Variants in R3HDM1 observed in about 807,000 individuals in gnomAD.
The protein encoded by R3HDM1 is R3H domain-containing protein 1.
Under a neutral mutation model 141.1 loss-of-function variants are expected in R3HDM1, and 46 were observed. That is an observed-to-expected ratio of 0.33 (90% confidence interval 0.26 to 0.42). The LOEUF (loss-of-function observed/expected upper bound fraction) is 0.42. R3HDM1 is among the 10% of genes least tolerant of loss of function. The probability of loss-of-function intolerance (pLI) is 1.00; values close to 1 mark genes in which losing one functional copy is unlikely to be tolerated. For synonymous variants in R3HDM1, 435 were observed against 472.9 expected (o/e 0.92, Z 1.04); for missense variants, 1,184 against 1,368.3 (o/e 0.87, Z 2.12).
chr2:135,623,681 G>T (rs76520533), intron 7 of R3HDM1, among the ~76,000 whole-genome samples: 4,870 of 152,172 alleles, frequency 0.032, 246 homozygotes, highest in African/African-American at 0.11. Context: ...TTCCTCAGTA[G>T]TCCCAACAGA....
chr2:135,625,406 T>C (rs1372418374), intron 7 of R3HDM1, among the ~76,000 whole-genome samples: 1 of 151,814 alleles, frequency 6.6e-6, no homozygotes, highest in Non-Finnish European at 1.5e-5. Context: ...GATCACGCCA[T>C]TGCACTCCAG....
intron 14 of R3HDM1, among the ~76,000 whole-genome samples, chr2:135,639,578 G>A (rs1042828074): frequency 1.3e-5 from 2 of 151,950 alleles, no homozygotes; most frequent in African/African-American, 4.8e-5. Flanking sequence ...TTAAATTGCT[G>A]AGGAGATTTT....
At chr2:135,534,576 GTTATA>G (rs1355997409) in intron 1 of R3HDM1, among the ~76,000 whole-genome samples, 1 of 152,238 alleles carries the variant, frequency 6.6e-6, no homozygotes, top group Non-Finnish European at 1.5e-5. Context: ...CATGAAGACA[GTTATA>G]TTATGAAGTC....
chr2:135,663,150 AAAAAAT>A (rs199561274), intron 19 of R3HDM1, among the ~76,000 whole-genome samples: 9,482 of 150,764 alleles, frequency 0.063, 584 homozygotes, highest in African/African-American at 0.16. Flanking sequence ...AAAAAAAAAA[AAAAAAT>A]ATGACACTTA....
intron 2 of R3HDM1, among the ~76,000 whole-genome samples, chr2:135,603,379 T>A (rs960550685): frequency 3.9e-5 from 6 of 151,916 alleles, no homozygotes; most frequent in African/African-American, 1.5e-4. Context: ...TTTCACTGGT[T>A]TCCCCCCCGC....
intron 2 of R3HDM1, among the ~76,000 whole-genome samples, chr2:135,603,979 T>TAATCCAGTGCA (rs1271259958): frequency 6.6e-6 from 1 of 152,190 alleles, no homozygotes; most frequent in Non-Finnish European, 1.5e-5. Flanking sequence ...TCTGATACAT[T>TAATCCAGTGCA]AATCCAGTGC....
At position 135,616,134 on chromosome 2, in the gene R3HDM1, T is replaced by C; in HGVS notation, c.172-18T>C. ...GTTTCAGTATGAAATTTAATACAAA[T>C]CTTTCTTGTATATTCAGCGGCCATT... On this transcript the variant is annotated intron_variant, in intron 3 of 26. Coordinates refer to ENST00000683871, the MANE Select transcript of R3HDM1 (RefSeq NM_001378107.1). 1 of 1,607,804 alleles carries C rather than the reference T, an allele frequency of 6.2e-7. No individual in the cohort carries two copies. Among genetic ancestry groups the C allele is most frequent in the Non-Finnish European group, 8.5e-7 (1 of 1,174,366 alleles).
At chr2:135,618,255 C>T (rs2061225128) in intron 5 of R3HDM1, among the ~76,000 whole-genome samples, 1 of 151,498 alleles carries the variant, frequency 6.6e-6, no homozygotes, top group Non-Finnish European at 1.5e-5. Context: ...CCTCCGCCTC[C>T]CAGGTTCAAG....
chr2:135,685,980 C>T lies in R3HDM1; in HGVS notation c.2459+5656C>T, dbSNP rs189237575. ...TGATATCCAAAATATTAAGGAAATC[C>T]TGTAATTCAGAAAAAAAAAGGGTTA... On this transcript the variant is annotated intron_variant, in intron 21 of 26. Coordinates refer to ENST00000683871, the MANE Select transcript of R3HDM1 (RefSeq NM_001378107.1). 5.7e-3 allele frequency among the ~76,000 whole-genome samples: 859 copies of T among 151,816 alleles called. 7 individuals are homozygous for T. The highest frequency in any genetic ancestry group is 0.019 in the African/African-American group (799 of 41,388).
intron 19 of R3HDM1, among the ~76,000 whole-genome samples, chr2:135,668,659 A>G (rs1047991561): frequency 6.6e-6 from 1 of 152,214 alleles, no homozygotes; most frequent in African/African-American, 2.4e-5. Flanking sequence ...AGTGGATGGA[A>G]AAAAGTCATT....
chr2:135,670,138 CAAAA>C (rs869047478), intron 19 of R3HDM1: 45 of 97,538 alleles, frequency 4.6e-4, no homozygotes, highest in Non-Finnish European at 6.9e-4. Context: ...GACTCAGTCT[CAAAA>C]AAAAAAAAAA....
chr2:135,540,597 T>TA (rs1370172992), intron 1 of R3HDM1, among the ~76,000 whole-genome samples: 111 of 152,298 alleles, frequency 7.3e-4, no homozygotes, highest in African/African-American at 2.5e-3. Flanking sequence ...TTTATTTATT[T>TA]TTGTAGGGAC....
rs578170788 is a variant in R3HDM1 at position 135,560,384 on chromosome 2, C to A, written c.-250+28751C>A. Among the ~76,000 whole-genome samples, 48 of 152,256 alleles carry A rather than the reference C, an allele frequency of 3.2e-4. No homozygotes were observed. The South Asian group carries it at 3.7e-3, about 12-fold the overall frequency. ...AGGCTGGAGTGCAGTGGCGCTGTCT[C>A]GGCTCACTGCAAACGGCCTCCCAGG... is the stretch of plus-strand genomic sequence containing the variant. On this transcript the variant is annotated intron_variant, in intron 1 of 26. Coordinates refer to ENST00000683871, the MANE Select transcript of R3HDM1 (RefSeq NM_001378107.1).
intron 1 of R3HDM1, among the ~76,000 whole-genome samples, chr2:135,554,705 A>G (rs1700411777): frequency 6.6e-6 from 1 of 152,204 alleles, no homozygotes; most frequent in Admixed American, 6.5e-5. Context: ...GGAGACCGTT[A>G]TTCATACAGG....
chr2:135,650,274 T>G, intron 17 of R3HDM1: 1 of 985,386 alleles, frequency 1.0e-6, no homozygotes, highest in Non-Finnish European at 1.2e-6. Flanking sequence ...CTAAGATGTT[T>G]TAGCAACTTT....
chr2:135,687,633 G>C (rs1458581888), intron 21 of R3HDM1, among the ~76,000 whole-genome samples: 1 of 151,402 alleles, frequency 6.6e-6, no homozygotes, highest in East Asian at 1.9e-4. Context: ...TTTTATTTTG[G>C]CTCTTACTCC....
chr2:135,594,873 C>T (rs1710215619), intron 1 of R3HDM1, among the ~76,000 whole-genome samples: 1 of 152,096 alleles, frequency 6.6e-6, no homozygotes, highest in Admixed American at 6.5e-5. Context: ...CTTCCTCTAA[C>T]TTCGCATCTC....
chr2:135,666,552 T>C (rs544751957), intron 19 of R3HDM1, among the ~76,000 whole-genome samples: 1 of 152,320 alleles, frequency 6.6e-6, no homozygotes, highest in African/African-American at 2.4e-5. Flanking sequence ...GAGCCAAATA[T>C]ATCTGGTAAG....
intron 9 of R3HDM1, 111 bp from the exon 10 acceptor site, chr2:135,635,778 TA>T: frequency 7.4e-7 from 1 of 1,352,000 alleles, no homozygotes; most frequent in Non-Finnish European, 9.8e-7. Context: ...TGGATGGCAC[TA>T]AAAAGTGGTA....
Sources: allele counts gnomAD v4.1 joint callset (sites outside exome capture counted in the v4.1 genomes callset), GRCh38; gene constraint gnomAD v4.1.1; transcripts MANE v1.5; gene names NCBI Gene and HGNC (gene_info 2026-07-23, HGNC 2026-07-21).